The following TJP1 variants were observed in gnomAD, a reference collection of about 807,000 sequenced individuals.
TJP1 encodes the protein tight junction protein ZO-1.
A neutral mutation model predicts 194.2 loss-of-function variants in TJP1; 43 were observed. That is an observed-to-expected ratio of 0.22 (90% CI 0.17 to 0.29). The LOEUF is 0.29. TJP1 is among the 10% of genes least tolerant of loss of function. The pLI is 1.00. For synonymous variants in TJP1, 801 were observed against 779.0 expected, an observed-to-expected ratio of 1.03 and a Z score of -0.47; for missense variants, 1,971 against 2,185.7, an observed-to-expected ratio of 0.90 and a Z score of 1.96.
At chr15:29,935,140 C>T (rs1004211724) in intron 2 of TJP1, among the ~76,000 whole-genome samples, 4 of 152,218 alleles carry the variant, frequency 2.6e-5, no homozygotes, top group East Asian at 3.8e-4. Context: ...TGCTTTCACA[C>T]TCACCAGTAA....
At chr15:29,879,075 G>T (rs2152127845) in intron 2 of TJP1, among the ~76,000 whole-genome samples, 1 of 152,288 alleles carries the variant, frequency 6.6e-6, no homozygotes, top group Admixed American at 6.5e-5. Flanking sequence ...AGTGAGCCAA[G>T]ATTGTGCCAC....
chr15:29,951,777 C>T (rs72721172), intron 2 of TJP1, among the ~76,000 whole-genome samples: 6 of 152,262 alleles, frequency 3.9e-5, no homozygotes, highest in Non-Finnish European at 8.8e-5. Flanking sequence ...TTTCTATTCA[C>T]TGCACAAAAC....
rs545710525 is a variant in TJP1, at chr15:29,749,672, G to T, written c.1011-6891C>A. On this transcript the variant is annotated intron_variant, in intron 8 of 27. Coordinates refer to ENST00000614355, the MANE Select transcript of TJP1 (RefSeq NM_001330239.4). ...CAGCACATGGGAGTACAAATACCAT[G>T]CAAGTTCGTCTGGTGACATACCACA... 2.6e-5 allele frequency among the ~76,000 whole-genome samples: 4 copies of T among 152,290 alleles called. No homozygotes were observed. In the East Asian group the frequency reaches 7.7e-4, roughly 29 times the overall value.
intron 2 of TJP1, among the ~76,000 whole-genome samples, chr15:29,922,425 T>C (rs748744385): frequency 1.3e-5 from 2 of 152,248 alleles, no homozygotes; most frequent in African/African-American, 2.4e-5. Flanking sequence ...TAATTTGATA[T>C]TTAGTAGTTT....
At chr15:29,967,553 A>T (rs2056375926) in intron 1 of TJP1, among the ~76,000 whole-genome samples, 1 of 152,202 alleles carries the variant, frequency 6.6e-6, no homozygotes, top group South Asian at 2.1e-4. Flanking sequence ...CCAGGAACTT[A>T]AGGTCACACA....
chr15:29,866,393 A>G (rs2052303849), intron 2 of TJP1, among the ~76,000 whole-genome samples: 3 of 152,214 alleles, frequency 2.0e-5, no homozygotes, highest in South Asian at 4.1e-4. Flanking sequence ...TGTTTTGTTT[A>G]TGAAGAAAAA....
At chr15:29,833,355 A>T (rs2152049715) in intron 2 of TJP1, among the ~76,000 whole-genome samples, 1 of 152,284 alleles carries the variant, frequency 6.6e-6, no homozygotes, top group African/African-American at 2.4e-5. Flanking sequence ...AAAATTCAAG[A>T]TAGTTAAATA....
At chr15:29,820,544 T>C (rs530837044) in intron 1 of TJP1, 34 of 716,920 alleles carry the variant, frequency 4.7e-5, no homozygotes, top group Admixed American at 1.4e-4. Flanking sequence ...TGGCAATCCA[T>C]TGAAAACGTA....
intron 8 of TJP1, 40 bp from the exon 9 acceptor site, chr15:29,742,821 G>T: frequency 1.3e-6 from 2 of 1,534,230 alleles, no homozygotes; most frequent in South Asian, 2.7e-5. Flanking sequence ...GCATAAGAAT[G>T]ATTCTGGAAA....
chr15:29,967,370 A>T (rs920730781), intron 1 of TJP1, among the ~76,000 whole-genome samples: 11 of 150,844 alleles, frequency 7.3e-5, no homozygotes, highest in African/African-American at 2.4e-4. Context: ...AATTTATTTA[A>T]AAAAAAAAAA....
chr15:29,792,428 G>T (rs2048154949), intron 2 of TJP1, among the ~76,000 whole-genome samples: 1 of 152,038 alleles, frequency 6.6e-6, no homozygotes, highest in East Asian at 1.9e-4. Context: ...TTTTTTCTGG[G>T]CTCTCTATTC....
At chr15:29,819,578 A>G (rs572778352) in intron 1 of TJP1, among the ~76,000 whole-genome samples, 1 of 152,340 alleles carries the variant, frequency 6.6e-6, no homozygotes, top group Non-Finnish European at 1.5e-5. Context: ...GTGAATTTCT[A>G]ACAAGTTTCC....
chr15:29,704,980 A>G (rs1205415879), intron 26 of TJP1, among the ~76,000 whole-genome samples: 2 of 152,258 alleles, frequency 1.3e-5, no homozygotes, highest in African/African-American at 4.8e-5. Flanking sequence ...ACACTTCGTT[A>G]TAATATCCTG....
intron 2 of TJP1, among the ~76,000 whole-genome samples, chr15:29,947,916 G>A (rs1220226397): frequency 6.6e-6 from 1 of 152,162 alleles, no homozygotes; most frequent in Non-Finnish European, 1.5e-5. Context: ...ACCCTGGGCT[G>A]CCTTCCCCCA....
chr15:29,771,954 G>T (rs999988602), intron 4 of TJP1, 110 bp downstream of exon 4: 5 of 662,664 alleles, frequency 7.5e-6, no homozygotes, highest in African/African-American at 7.4e-5. Flanking sequence ...AATAACTTTG[G>T]AACTATTGTT....
At chr15:29,809,936 A>C (rs2049375686) in intron 1 of TJP1, among the ~76,000 whole-genome samples, 1 of 152,224 alleles carries the variant, frequency 6.6e-6, no homozygotes, top group South Asian at 2.1e-4. Context: ...ACTTTTAAAA[A>C]AGACATCTTT....
intron 2 of TJP1, among the ~76,000 whole-genome samples, chr15:29,833,879 ATATTTTT>A (rs1310784931): frequency 7.3e-5 from 1 of 13,788 alleles, no homozygotes; most frequent in African/African-American, 2.5e-4. Flanking sequence ...ATATATATAT[ATATTTTT>A]TTTTTTTTTT....
At chr15:29,952,774 T>C (rs1596319130) in intron 2 of TJP1, among the ~76,000 whole-genome samples, 1 of 152,200 alleles carries the variant, frequency 6.6e-6, no homozygotes, top group Admixed American at 6.5e-5. Context: ...TTGGCAGTCA[T>C]AGGGAGTCAT....
chr15:29,788,231 G>A (rs182762095), intron 2 of TJP1, among the ~76,000 whole-genome samples: 1 of 152,056 alleles, frequency 6.6e-6, no homozygotes, highest in Non-Finnish European at 1.5e-5. Context: ...TGTATGATTT[G>A]CAAGTATCTT....
Sources: gnomAD v4.1 joint callset for allele counts (sites outside exome capture counted in the v4.1 genomes callset) on GRCh38, gnomAD v4.1.1 for gene constraint, MANE v1.5 for transcripts, NCBI Gene and HGNC (gene_info 2026-07-23, HGNC 2026-07-21) for gene names.